The following NELL1 variants were observed in gnomAD, a reference collection of about 807,000 sequenced individuals.
NELL1 encodes the protein protein kinase C-binding protein NELL1.
In NELL1, 76 loss-of-function variants were observed where a neutral mutation model predicts 107.4. The ratio of observed to expected loss-of-function variants is 0.71; its 90% confidence interval spans 0.59 to 0.86. The LOEUF is 0.86. Ranked by LOEUF, NELL1 falls within the 40% of genes least tolerant of loss-of-function variation. The probability of loss-of-function intolerance (pLI) is 0.00; values close to 1 mark genes in which losing one functional copy is unlikely to be tolerated. For synonymous variants in NELL1, 353 were observed against 341.2 expected (o/e 1.03, Z -0.38); for missense variants, 1,024 against 1,005.5 (o/e 1.02, Z -0.25).
At chr11:21,233,976 G>A (rs953643538) in intron 14 of NELL1, among the ~76,000 whole-genome samples, 1 of 152,094 alleles carries the variant, frequency 6.6e-6, no homozygotes, top group African/African-American at 2.4e-5. Flanking sequence ...AAGTCCCCAG[G>A]GATTTCACCA....
At chr11:21,336,674 T>TATATAC (rs55720144) in intron 14 of NELL1, among the ~76,000 whole-genome samples, 22 of 130,536 alleles carry the variant, frequency 1.7e-4, no homozygotes, top group African/African-American at 5.7e-4. Context: ...TATATATATA[T>TATATAC]ACACACACAC....
intron 15 of NELL1, among the ~76,000 whole-genome samples, chr11:21,467,020 T>C (rs1431165347): frequency 6.6e-6 from 1 of 152,112 alleles, no homozygotes; most frequent in Non-Finnish European, 1.5e-5. Context: ...ACAGTTTTGA[T>C]ATACACTGTA....
chr11:21,116,160 A>G (rs1180555365), intron 13 of NELL1, among the ~76,000 whole-genome samples: 1 of 152,030 alleles, frequency 6.6e-6, no homozygotes, highest in Non-Finnish European at 1.5e-5. Flanking sequence ...CAGTGTTCTT[A>G]TCTCAGCAGC....
intron 12 of NELL1, among the ~76,000 whole-genome samples, chr11:21,088,089 G>GTGTGTA (rs1247377174): frequency 1.3e-5 from 2 of 151,382 alleles, no homozygotes; most frequent in Non-Finnish European, 2.9e-5. Flanking sequence ...GTGTGTGTGT[G>GTGTGTA]TGTGTGTGTG....
At chr11:21,536,478 A>C (rs1232420638) in intron 16 of NELL1, among the ~76,000 whole-genome samples, 1 of 152,178 alleles carries the variant, frequency 6.6e-6, no homozygotes, top group Non-Finnish European at 1.5e-5. Context: ...CCAAGTCCCC[A>C]TGAAGTATTC....
At chr11:21,339,478 T>C (rs1303242935) in intron 14 of NELL1, among the ~76,000 whole-genome samples, 1 of 152,234 alleles carries the variant, frequency 6.6e-6, no homozygotes, top group African/African-American at 2.4e-5. Flanking sequence ...ATTAAGTTTC[T>C]TATGGTAGCC....
chr11:20,711,836 G>C (rs1271789373), intron 2 of NELL1, among the ~76,000 whole-genome samples: 1 of 152,076 alleles, frequency 6.6e-6, no homozygotes, highest in Admixed American at 6.5e-5. Context: ...CTTGACTTTA[G>C]ATAACCTGAT....
chr11:21,318,888 G>A (rs1849941163), intron 14 of NELL1, among the ~76,000 whole-genome samples: 1 of 152,018 alleles, frequency 6.6e-6, no homozygotes, highest in Non-Finnish European at 1.5e-5. Flanking sequence ...GTTCTTCCGA[G>A]CTGTGTGACT....
In NELL1 at chr11:21,521,765, A is replaced by G. The variant is rs1377136792; in HGVS notation, c.1646-12609A>G. Among the ~76,000 whole-genome samples, 3 of 152,080 alleles carry G rather than the reference A, an allele frequency of 2.0e-5. No homozygotes were observed. The East Asian group carries it at 5.8e-4, about 29-fold the overall frequency. ...TCCTTTTCTCTGAATCCTTGCCAAC[A>G]TTTGTTAATTTTTGTCTTATTAATA... is the stretch of plus-strand genomic sequence containing the variant. On this transcript the variant is annotated intron_variant, in intron 15 of 19. Coordinates refer to ENST00000357134, the MANE Select transcript of NELL1 (RefSeq NM_006157.5).
intron 7 of NELL1, among the ~76,000 whole-genome samples, chr11:20,922,945 T>C (rs2134165699): frequency 6.6e-6 from 1 of 152,278 alleles, no homozygotes; most frequent in East Asian, 1.9e-4. Flanking sequence ...TGCTGCTGTT[T>C]ATACTCTTAA....
Position 21,266,785 on chromosome 11 carries a change from T to G in NELL1, c.1549+37331T>G, listed in dbSNP as rs12577811. 5.3e-3 allele frequency among the ~76,000 whole-genome samples: 800 copies of G among 152,188 alleles called. 32 individuals are homozygous for G. In the East Asian group the frequency reaches 0.097, roughly 18 times the overall value. ...GATCAGTTATAGCACGTGTCAAAAC[T>G]ACTCACTCATAAGAATTGTTATAAG... On this transcript the variant is annotated intron_variant, in intron 14 of 19. Transcript: ENST00000357134.
intron 2 of NELL1, among the ~76,000 whole-genome samples, chr11:20,715,466 T>A (rs1370112084): frequency 6.6e-6 from 1 of 152,152 alleles, no homozygotes; most frequent in Non-Finnish European, 1.5e-5. Flanking sequence ...CATTAGCTGT[T>A]ATGGCAGACA....
In NELL1 at chr11:21,312,343, A is replaced by ATTT. The variant is rs5790173; in HGVS notation, c.1550-58501_1550-58499dup. Among the ~76,000 whole-genome samples, 207 of 148,536 alleles carry ATTT rather than the reference A, an allele frequency of 1.4e-3. 4 individuals carry two copies. In the South Asian group the frequency reaches 0.034, roughly 24 times the overall value. On this transcript the variant is annotated intron_variant, in intron 14 of 19. Transcript: ENST00000357134. ...GTGTATGATGGCTCTTTTAGAAAGG[A>ATTT]TTTTTTTTTTTGTATGATAGTTTTT...
chr11:21,143,467 G>A (rs1855911611), intron 13 of NELL1, among the ~76,000 whole-genome samples: 2 of 152,078 alleles, frequency 1.3e-5, no homozygotes, highest in Non-Finnish European at 2.9e-5. Context: ...CATTATATGG[G>A]GTGAAATAGC....
intron 12 of NELL1, among the ~76,000 whole-genome samples, chr11:21,087,444 A>G (rs1854422030): frequency 6.6e-6 from 1 of 152,184 alleles, no homozygotes; most frequent in Admixed American, 6.5e-5. Flanking sequence ...GAATGCCAAA[A>G]TTTATGGAAA....
chr11:21,179,043 C>T (rs1318608359), intron 13 of NELL1, among the ~76,000 whole-genome samples: 1 of 151,730 alleles, frequency 6.6e-6, no homozygotes, highest in Admixed American at 6.6e-5. Context: ...CGAATGACCT[C>T]GGTTCTTCCA....
chr11:21,339,215 A>G (rs1242842913), intron 14 of NELL1, among the ~76,000 whole-genome samples: 1 of 152,250 alleles, frequency 6.6e-6, no homozygotes, highest in African/African-American at 2.4e-5. Flanking sequence ...TCCCTAATCC[A>G]TTATAAGAAG....
Position 21,273,875 on chromosome 11 carries a change from C to T in NELL1, c.1549+44421C>T, listed in dbSNP as rs185715052. Among the ~76,000 whole-genome samples the T allele has an allele frequency of 4.5e-3, 683 of 152,250 alleles. 2 individuals are homozygous for T. The highest frequency in any genetic ancestry group is 6.6e-3 in the Non-Finnish European group (450 of 68,016). ...GCTGAGAGATTTTGTCACCACCAGG[C>T]CTGCCCTGAAAGAGCTCCTGAAGGA... On this transcript the variant is annotated intron_variant, in intron 14 of 19. Transcript: ENST00000357134.
intron 13 of NELL1, among the ~76,000 whole-genome samples, chr11:21,139,897 C>A (rs1032625307): frequency 2.0e-5 from 3 of 152,134 alleles, no homozygotes; most frequent in Admixed American, 6.5e-5. Flanking sequence ...GACCTGAGAC[C>A]TTTCCTTTGT....
Sources: allele counts gnomAD v4.1 joint callset (sites outside exome capture counted in the v4.1 genomes callset), GRCh38; gene constraint gnomAD v4.1.1; transcripts MANE v1.5; gene names NCBI Gene and HGNC (gene_info 2026-07-23, HGNC 2026-07-21).